Variants in TENM2 observed in about 807,000 individuals in gnomAD.
TENM2 encodes teneurin transmembrane protein 2, also known as teneurin-2.
TENM2 carries 52 observed loss-of-function variants against 245.2 expected under a neutral mutation model. The observed-to-expected ratio is 0.21, with a 90% CI of 0.17 to 0.27. The LOEUF is 0.27. Ranked by LOEUF, TENM2 falls within the 10% of genes least tolerant of loss-of-function variation. The pLI is 1.00. For synonymous variants in TENM2, 1,363 were observed against 1,438.9 expected (o/e 0.95, Z 1.19); for missense variants, 3,046 against 3,666.8 (o/e 0.83, Z 4.37).
rs143540090 is a variant in TENM2, at chr5:167,910,799, T to C, written c.712+34604T>C. The stretch of plus-strand genomic sequence containing the variant: ...AAAATTCCTAATCTTGAAGGAGTTA[T>C]ATTTATAGAGGAATAATTTATCCTA... On this transcript the variant is annotated intron_variant, in intron 3 of 28. Coordinates refer to ENST00000518659, the Ensembl canonical transcript of TENM2. Among the ~76,000 whole-genome samples the C allele has an allele frequency of 5.3e-5, 8 of 152,362 alleles. No individual in the cohort carries two copies. In the East Asian group the frequency reaches 1.3e-3, roughly 26 times the overall value.
intron 2 of TENM2, among the ~76,000 whole-genome samples, chr5:167,788,955 T>C (rs1328996841): frequency 6.6e-6 from 1 of 152,104 alleles, no homozygotes; most frequent in African/African-American, 2.4e-5. Context: ...AATTACAAAA[T>C]CTTTGTGGGT....
At chr5:168,052,213 C>T (rs981884662) in intron 6 of TENM2, among the ~76,000 whole-genome samples, 2 of 152,076 alleles carry the variant, frequency 1.3e-5, no homozygotes, top group Admixed American at 1.3e-4. Flanking sequence ...TGGTGAGACC[C>T]CGTCTCTACT....
intron 17 of TENM2, among the ~76,000 whole-genome samples, chr5:168,203,004 G>A (rs1762058215): frequency 1.3e-5 from 2 of 152,352 alleles, no homozygotes; most frequent in South Asian, 4.1e-4. Context: ...GCGTGAGCTT[G>A]GAGCCAAGCT....
At chr5:168,135,107 C>A (rs1023716193) in intron 12 of TENM2, among the ~76,000 whole-genome samples, 2 of 152,186 alleles carry the variant, frequency 1.3e-5, no homozygotes, top group African/African-American at 4.8e-5. Context: ...CCACGCATGC[C>A]TTCTGGAAAA....
intron 3 of TENM2, among the ~76,000 whole-genome samples, chr5:167,914,665 G>T (rs546025607): frequency 6.6e-6 from 1 of 152,264 alleles, no homozygotes; most frequent in East Asian, 1.9e-4. Context: ...AGGTCTAGAG[G>T]CTAGAAGTCC....
chr5:167,886,492 A>G lies in TENM2; in HGVS notation c.712+10297A>G, dbSNP rs75247626. 8.1e-4 allele frequency among the ~76,000 whole-genome samples: 123 copies of G among 152,352 alleles called. No homozygotes were observed. In the East Asian group the frequency reaches 0.019, roughly 24 times the overall value. ...AAAAGCCAAGACCTGCATCTTTTAT[A>G]GTAAGAAGTTACAAGATAATGCAAG... On this transcript the variant is annotated intron_variant, in intron 3 of 28. Coordinates refer to ENST00000518659, the Ensembl canonical transcript of TENM2.
chr5:167,699,043 A>C (rs908506118), intron 2 of TENM2, among the ~76,000 whole-genome samples: 2 of 152,164 alleles, frequency 1.3e-5, no homozygotes, highest in African/African-American at 4.8e-5. Context: ...CTTAGAACTG[A>C]GAATTAATTC....
intron 2 of TENM2, among the ~76,000 whole-genome samples, chr5:167,494,323 A>G (rs1451813474): frequency 6.6e-6 from 1 of 152,154 alleles, no homozygotes; most frequent in Non-Finnish European, 1.5e-5. Context: ...AAACTTACCT[A>G]AAGGGTTGAA....
chr5:167,827,697 G>A (rs75371759), intron 2 of TENM2, among the ~76,000 whole-genome samples: 13,761 of 148,314 alleles, frequency 0.093, 878 homozygotes, highest in African/African-American at 0.17. Flanking sequence ...TCTTACCTGA[G>A]GAAACTGTTC....
At chr5:167,498,049 G>A (rs1283745403) in intron 2 of TENM2, among the ~76,000 whole-genome samples, 1 of 152,118 alleles carries the variant, frequency 6.6e-6, no homozygotes, top group African/African-American at 2.4e-5. Context: ...AAGAGTATGA[G>A]TTGGCCTCTT....
intron 3 of TENM2, among the ~76,000 whole-genome samples, chr5:167,892,718 A>T (rs1035361000): frequency 6.6e-6 from 1 of 151,782 alleles, no homozygotes; most frequent in Non-Finnish European, 1.5e-5. Flanking sequence ...TTCTGCAAAA[A>T]CCCTCTCTTA....
At chr5:167,276,350 TTTTGTGTGTGTGTG>T in the TENM2 span, among the ~76,000 whole-genome samples, 78 of 143,714 alleles carry the variant, frequency 5.4e-4, no homozygotes, top group Middle Eastern at 3.5e-3. Flanking sequence ...AGCCTGTTCA[TTTTGTGTGTGTGTG>T]TGTGTGTGTG....
chr5:167,769,217 T>C (rs1238280610), intron 2 of TENM2, among the ~76,000 whole-genome samples: 1 of 152,230 alleles, frequency 6.6e-6, no homozygotes, highest in Non-Finnish European at 1.5e-5. Context: ...ACACAGATTG[T>C]CAATAACAAT....
At chr5:167,256,443 T>C in the TENM2 span, among the ~76,000 whole-genome samples, 3 of 152,144 alleles carry the variant, frequency 2.0e-5, no homozygotes, top group African/African-American at 7.2e-5. Flanking sequence ...GCAATTGTGA[T>C]AGTGAGATCT....
chr5:167,035,175 C>A, the TENM2 span, among the ~76,000 whole-genome samples: 2 of 151,882 alleles, frequency 1.3e-5, no homozygotes, highest in Admixed American at 1.3e-4. Flanking sequence ...CATAGTAGTT[C>A]TTTAATTGCA....
intron 2 of TENM2, among the ~76,000 whole-genome samples, chr5:167,810,450 G>A (rs910585727): frequency 5.3e-5 from 8 of 151,432 alleles, no homozygotes; most frequent in South Asian, 2.1e-4. Flanking sequence ...TCCCCATTTC[G>A]CCACCATTAC....
At chr5:167,508,471 A>G (rs574482307) in intron 2 of TENM2, among the ~76,000 whole-genome samples, 53 of 152,282 alleles carry the variant, frequency 3.5e-4, no homozygotes, top group African/African-American at 1.2e-3. Flanking sequence ...TATAAACCAG[A>G]TCCTGATGGC....
chr5:167,056,282 G>C, the TENM2 span, among the ~76,000 whole-genome samples: 21 of 151,452 alleles, frequency 1.4e-4, no homozygotes, highest in Non-Finnish European at 2.8e-4. Flanking sequence ...TTGTTAATTT[G>C]AGAAAGTATA....
At chr5:167,076,532 G>A in the TENM2 span, among the ~76,000 whole-genome samples, 253 of 152,220 alleles carry the variant, frequency 1.7e-3, no homozygotes, top group Non-Finnish European at 2.0e-3. Flanking sequence ...TCCTGCTGTG[G>A]CGTGATGTGT....
Sources: gnomAD v4.1 joint callset for allele counts (sites outside exome capture counted in the v4.1 genomes callset) on GRCh38, gnomAD v4.1.1 for gene constraint, MANE v1.5 for transcripts, NCBI Gene and HGNC (gene_info 2026-07-23, HGNC 2026-07-21) for gene names.